Variants in ENTREP2 observed in about 807,000 individuals in gnomAD.
The protein encoded by ENTREP2 is protein ENTREP2.
chr15:29,307,644 T>C, the ENTREP2 span, among the ~76,000 whole-genome samples: 76,981 of 152,098 alleles, frequency 0.51, 22,359 homozygotes, highest in African/African-American at 0.82. Context: ...AGTAGGTACT[T>C]CAGGCTAACT....
chr15:29,650,782 G>A, the ENTREP2 span, among the ~76,000 whole-genome samples: 1 of 150,438 alleles, frequency 6.6e-6, no homozygotes, highest in African/African-American at 2.5e-5. Context: ...TCTGAGGCAG[G>A]AGGATTGCTT....
At chr15:29,196,809 A>G in the ENTREP2 span, 2 of 399,510 alleles carry the variant, frequency 5.0e-6, no homozygotes, top group East Asian at 4.0e-5. Flanking sequence ...TAAGCTATAC[A>G]TTAGAGAAAA....
the ENTREP2 span, among the ~76,000 whole-genome samples, chr15:29,450,846 C>T: frequency 6.6e-6 from 1 of 152,080 alleles, no homozygotes; most frequent in African/African-American, 2.4e-5. Context: ...CAAATTAATG[C>T]AGGAACAGAA....
the ENTREP2 span, among the ~76,000 whole-genome samples, chr15:29,307,495 T>C: frequency 3.3e-5 from 5 of 152,204 alleles, no homozygotes; most frequent in African/African-American, 9.6e-5. Flanking sequence ...AATATGAACA[T>C]AGCAAAACAT....
At chr15:29,445,171 C>T in the ENTREP2 span, among the ~76,000 whole-genome samples, 1 of 152,164 alleles carries the variant, frequency 6.6e-6, no homozygotes, top group Non-Finnish European at 1.5e-5. Flanking sequence ...GACGGTGGAG[C>T]CCTCATGAAT....
chr15:29,123,300 C>A, the ENTREP2 span: 2 of 1,466,480 alleles, frequency 1.4e-6, no homozygotes, highest in Non-Finnish European at 9.1e-7. Flanking sequence ...ACATCTGTGG[C>A]GCCAGGCGTT....
At chr15:29,345,843 G>C in the ENTREP2 span, among the ~76,000 whole-genome samples, 4 of 152,154 alleles carry the variant, frequency 2.6e-5, 1 homozygote, top group African/African-American at 9.7e-5. Flanking sequence ...AGGAGTGCAG[G>C]CCACACTGCC....
chr15:29,540,157 T>C, the ENTREP2 span, among the ~76,000 whole-genome samples: 6 of 152,236 alleles, frequency 3.9e-5, no homozygotes, highest in East Asian at 1.2e-3. Context: ...TGAAAGAAAG[T>C]AGACCTCAAA....
the ENTREP2 span, among the ~76,000 whole-genome samples, chr15:29,131,434 C>T: frequency 2.0e-5 from 3 of 151,472 alleles, no homozygotes; most frequent in Admixed American, 2.0e-4. Flanking sequence ...CCCAAGACGC[C>T]AAACTCCTCA....
chr15:29,210,343 T>C, the ENTREP2 span, among the ~76,000 whole-genome samples: 4 of 152,200 alleles, frequency 2.6e-5, no homozygotes, highest in African/African-American at 9.6e-5. Context: ...ATAAAGGATC[T>C]GGCCCATGCT....
the ENTREP2 span, chr15:29,610,332 T>C: frequency 6.6e-6 from 1 of 150,492 alleles, no homozygotes. Context: ...CATATGCCAT[T>C]TCTGAGAGTC....
the ENTREP2 span, among the ~76,000 whole-genome samples, chr15:29,492,112 T>C: frequency 6.6e-6 from 1 of 151,854 alleles, no homozygotes; most frequent in Admixed American, 6.6e-5. Flanking sequence ...CAAAGGCAGC[T>C]AAAAGTCTCA....
the ENTREP2 span, among the ~76,000 whole-genome samples, chr15:29,159,462 C>T: frequency 1.3e-5 from 2 of 152,190 alleles, no homozygotes; most frequent in Non-Finnish European, 2.9e-5. Context: ...CTACTGCTAG[C>T]TTGGGCAGCC....
chr15:29,628,092 C>T, the ENTREP2 span, among the ~76,000 whole-genome samples: 46 of 152,330 alleles, frequency 3.0e-4, 1 homozygote, highest in African/African-American at 1.1e-3. Context: ...ATTTTACATT[C>T]CTACCAGCAG....
chr15:29,343,330 C>CG, the ENTREP2 span, among the ~76,000 whole-genome samples: 4 of 151,978 alleles, frequency 2.6e-5, no homozygotes, highest in African/African-American at 7.3e-5. Context: ...CTCCATACTG[C>CG]GGGGGGCCTC....
the ENTREP2 span, among the ~76,000 whole-genome samples, chr15:29,528,098 C>T: frequency 6.6e-6 from 1 of 152,126 alleles, no homozygotes; most frequent in Admixed American, 6.6e-5. Flanking sequence ...ATGATCCTTG[C>T]CCTGGGGAGC....
chr15:29,409,494 T>C, the ENTREP2 span, among the ~76,000 whole-genome samples: 1 of 151,984 alleles, frequency 6.6e-6, no homozygotes, highest in Non-Finnish European at 1.5e-5. Flanking sequence ...CCCGGCTAAT[T>C]TTTGTATTTT....
chr15:29,332,531 A>C, the ENTREP2 span, among the ~76,000 whole-genome samples: 25 of 152,366 alleles, frequency 1.6e-4, no homozygotes, highest in African/African-American at 5.5e-4. Context: ...GTTCCTCTGC[A>C]GCCTGGGGTG....
the ENTREP2 span, among the ~76,000 whole-genome samples, chr15:29,586,791 GTATGCTCTGATTA>G: frequency 6.6e-6 from 1 of 151,942 alleles, no homozygotes; most frequent in African/African-American, 2.4e-5. Flanking sequence ...AGAAAGTATA[GTATGCTCTGATTA>G]TATGCTCTGA....
Sources: allele counts gnomAD v4.1 joint callset (sites outside exome capture counted in the v4.1 genomes callset), GRCh38; gene constraint gnomAD v4.1.1; transcripts MANE v1.5; gene names NCBI Gene and HGNC (gene_info 2026-07-23, HGNC 2026-07-21).